Variants in KPNA7 observed in about 807,000 individuals in gnomAD.
KPNA7 encodes the protein karyopherin subunit alpha 7.
In KPNA7, 54 loss-of-function variants were observed where a neutral mutation model predicts 53.7. The observed-to-expected ratio is 1.01, with a 90% CI of 0.81 to 1.26. KPNA7 has a LOEUF of 1.26. KPNA7 is among the 50% of genes most tolerant of loss of function. The pLI is 0.00. For synonymous variants in KPNA7, 276 were observed against 259.3 expected (o/e 1.06, Z -0.62); for missense variants, 640 against 644.5 (o/e 0.99, Z 0.07).
At chr7:99,172,883 T>TG (rs1176802479), downstream of KPNA7, among the ~76,000 whole-genome samples, 1 of 151,662 alleles carries the variant, frequency 6.6e-6, no homozygotes, top group African/African-American at 2.4e-5. Context: ...GTCAACATGG[T>TG]GAAACCCTGT....
the KPNA7 span, among the ~76,000 whole-genome samples, chr7:99,160,028 T>TG: frequency 4.4e-5 from 2 of 45,040 alleles, no homozygotes; most frequent in South Asian, 7.2e-4. Flanking sequence ...TTTTTTTTTT[T>TG]TTTTTTTTTT....
At chr7:99,167,467 C>T in the KPNA7 span, among the ~76,000 whole-genome samples, 1 of 151,976 alleles carries the variant, frequency 6.6e-6, no homozygotes, top group South Asian at 2.1e-4. Flanking sequence ...ACTGCATACT[C>T]CTCAGAATTT....
At chr7:99,217,767 A>T (rs1054228299) in intron 1 of KPNA7, among the ~76,000 whole-genome samples, 4 of 150,860 alleles carry the variant, frequency 2.7e-5, no homozygotes, top group African/African-American at 9.8e-5. Flanking sequence ...AATAGCTGGG[A>T]TTACAGTCAC....
chr7:99,203,015 GC>G (rs1362260278), intron 3 of KPNA7, 90 bp downstream of exon 3: 18 of 1,442,620 alleles, frequency 1.2e-5, no homozygotes, highest in Non-Finnish European at 1.6e-5. Context: ...ACGAGAGTTT[GC>G]AAGTTCTGAA....
At position 99,189,846 on chromosome 7, in the gene KPNA7, C is replaced by A. The variant is rs554803580; in HGVS notation, c.637-1283G>T. On this transcript the variant is annotated intron_variant, in intron 6 of 10. Coordinates refer to ENST00000327442, the MANE Select transcript of KPNA7 (RefSeq NM_001145715.3). ...GGCTCAAGGGATCCTCCTGCCTCGG[C>A]CTCCCAAAATGCTGGGATTACAGAC... Among the ~76,000 whole-genome samples the A allele has an allele frequency of 4.6e-5, 7 of 152,094 alleles. 1 individual carries two copies. In the East Asian group the frequency reaches 1.4e-3, roughly 30 times the overall value.
intron 1 of KPNA7, 107 bp from the exon 2 acceptor site, chr7:99,207,596 C>A: frequency 6.7e-6 from 2 of 296,750 alleles, no homozygotes; most frequent in Non-Finnish European, 1.3e-5. Flanking sequence ...GAGCAAAGGG[C>A]AGACCCAGGA....
chr7:99,153,728 T>TG, the KPNA7 span, among the ~76,000 whole-genome samples: 1 of 151,372 alleles, frequency 6.6e-6, no homozygotes, highest in Non-Finnish European at 1.5e-5. Flanking sequence ...CAGCACTTTA[T>TG]GGGGCCAAGG....
the KPNA7 span, among the ~76,000 whole-genome samples, chr7:99,160,812 C>G: frequency 3.9e-5 from 6 of 152,086 alleles, no homozygotes; most frequent in African/African-American, 1.2e-4. Flanking sequence ...GGTCTTCACA[C>G]CTCTGCATAG....
At chr7:99,155,226 CTG>C in the KPNA7 span, among the ~76,000 whole-genome samples, 30 of 151,908 alleles carry the variant, frequency 2.0e-4, no homozygotes, top group Non-Finnish European at 3.7e-4. Flanking sequence ...TTTTTTGAAC[CTG>C]TGTTTCCTAT....
chr7:99,212,959 T>C (rs915258658), upstream of KPNA7, among the ~76,000 whole-genome samples: 3 of 151,992 alleles, frequency 2.0e-5, no homozygotes, highest in African/African-American at 7.2e-5. Context: ...TCTTGAAAAC[T>C]AGATTCCTAG....
rs190826343 is a variant in KPNA7 at position 99,203,066 on chromosome 7, C to T, written c.201+40G>A. On this transcript the variant is annotated intron_variant, in intron 3 of 10. Coordinates refer to ENST00000327442, the MANE Select transcript of KPNA7 (RefSeq NM_001145715.3). ...TCCAGCCAGAGACACTTGCTAAGAACATATTTTGCCCAAGACTACTCTAAA... is the reference window on the plus strand; with the variant it reads ...TCCAGCCAGAGACACTTGCTAAGAATATATTTTGCCCAAGACTACTCTAAA... 348 of 1,540,196 alleles carry T rather than the reference C, an allele frequency of 2.3e-4. 2 individuals are homozygous for T. The Middle Eastern group carries it at 4.5e-3, about 20-fold the overall frequency.
rs1200095058 is a variant in KPNA7, at chr7:99,188,312, T to C, written c.888A>G (p.Glu296=). ...GGATTGCATTTACCAAGACATTGAG[T>C]TCTGAGCTGGTCATGAGCACTACCA... ...PRLVVLMTSS[E]LNVLTPSLRT... is the part of the protein sequence containing the mutation. Residue 296 remains glutamate, a synonymous_variant, in exon 7 of 11, where the codon GAA becomes GAG. Coordinates refer to ENST00000327442, the MANE Select transcript of KPNA7 (RefSeq NM_001145715.3). The C allele has an allele frequency of 3.6e-5, 56 of 1,550,924 alleles. No individual in the cohort carries two copies. The highest frequency in any genetic ancestry group is 4.7e-5 in the Non-Finnish European group (54 of 1,146,828).
chr7:99,203,942 C>T (rs931190317), intron 2 of KPNA7, among the ~76,000 whole-genome samples: 1 of 152,086 alleles, frequency 6.6e-6, no homozygotes, highest in African/African-American at 2.4e-5. Context: ...AATTCCTAGG[C>T]TCAAGTGATC....
At chr7:99,200,201 C>T (rs189808165) in intron 3 of KPNA7, among the ~76,000 whole-genome samples, 29 of 152,268 alleles carry the variant, frequency 1.9e-4, no homozygotes, top group Middle Eastern at 6.8e-3. Flanking sequence ...TCAGGCCTGG[C>T]TAATTTTCGT....
intron 5 of KPNA7, among the ~76,000 whole-genome samples, chr7:99,193,452 G>T (rs1790068362): frequency 1.3e-5 from 2 of 152,184 alleles, no homozygotes; most frequent in Admixed American, 1.3e-4. Flanking sequence ...AACTTCCAAT[G>T]CAACTCAGAA....
chr7:99,180,548 CGTCTGTCTCT>C, intron 9 of KPNA7, among the ~76,000 whole-genome samples: 1 of 37,680 alleles, frequency 2.7e-5, no homozygotes, highest in Non-Finnish European at 8.8e-5. Flanking sequence ...CGTCTGTCTC[CGTCTGTCTCT>C]GTCTCTGTCC....
At chr7:99,171,237 A>G (rs1798764174), downstream of KPNA7, among the ~76,000 whole-genome samples, 1 of 152,218 alleles carries the variant, frequency 6.6e-6, no homozygotes, top group Non-Finnish European at 1.5e-5. Context: ...AAAATAAAAA[A>G]TAAAGTACAT....
intron 3 of KPNA7, among the ~76,000 whole-genome samples, chr7:99,202,279 TAG>T (rs1015337709): frequency 2.5e-4 from 38 of 152,014 alleles, no homozygotes; most frequent in African/African-American, 8.2e-4. Context: ...CAAAAGAATA[TAG>T]AGACACCATT....
At chr7:99,217,217 GTGTGCCCAGCCCGGC>G (rs1392262699) in intron 1 of KPNA7, among the ~76,000 whole-genome samples, 5 of 152,144 alleles carry the variant, frequency 3.3e-5, no homozygotes, top group African/African-American at 4.8e-5. Context: ...ACCACCCTCT[GTGTGCCCAGCCCGGC>G]TGCAGCTGCA....
Sources: allele counts gnomAD v4.1 joint callset (sites outside exome capture counted in the v4.1 genomes callset), GRCh38; gene constraint gnomAD v4.1.1; transcripts MANE v1.5; gene names NCBI Gene and HGNC (gene_info 2026-07-23, HGNC 2026-07-21).